Variants in MTA1 observed in about 807,000 individuals in gnomAD.
MTA1 encodes metastasis-associated protein MTA1.
In MTA1, 15 loss-of-function variants were observed where a neutral mutation model predicts 97.0. That is an observed-to-expected ratio of 0.15 (90% confidence interval 0.10 to 0.24). The LOEUF is 0.24. Among genes scored for constraint, MTA1 ranks in the 10% least tolerant of loss-of-function variants. The pLI, the probability that MTA1 is intolerant of heterozygous loss-of-function variation, is 1.00. For missense variants in MTA1, 709 were observed against 1,015.1 expected (o/e 0.70, Z 4.10); for synonymous variants, 435 against 417.5 (o/e 1.04, Z -0.51).
intron 1 of MTA1, among the ~76,000 whole-genome samples, chr14:105,426,570 G>A (rs960693470): frequency 1.3e-5 from 2 of 152,142 alleles, no homozygotes; most frequent in African/African-American, 2.4e-5. Flanking sequence ...AGGGAGGGGC[G>A]TGTTCTGTCC....
intron 3 of MTA1, among the ~76,000 whole-genome samples, chr14:105,448,459 T>C (rs1050962052): frequency 1.3e-5 from 2 of 152,128 alleles, no homozygotes; most frequent in African/African-American, 4.8e-5. Flanking sequence ...GGGCCTGGCA[T>C]AGGGCGGGCG....
At chr14:105,464,653 C>T (rs1555432057) in intron 14 of MTA1, 21 bp from the exon 15 acceptor site, 13 of 1,602,268 alleles carry the variant, frequency 8.1e-6, no homozygotes, top group Admixed American at 1.7e-5. Flanking sequence ...TGTGTTGGGG[C>T]GGTTGCGCCC....
At chr14:105,446,785 G>A (rs587767099) in intron 3 of MTA1, among the ~76,000 whole-genome samples, 12 of 152,362 alleles carry the variant, frequency 7.9e-5, no homozygotes, top group African/African-American at 2.6e-4. Flanking sequence ...GGGCCCCCGA[G>A]CCTGGGTCCA....
intron 7 of MTA1, among the ~76,000 whole-genome samples, chr14:105,454,878 C>A (rs1476633851): frequency 6.6e-6 from 1 of 152,048 alleles, no homozygotes; most frequent in Non-Finnish European, 1.5e-5. Flanking sequence ...GCGTGAGCCA[C>A]CGAGTCTGGC....
At chr14:105,438,493 C>T (rs7153174) in intron 1 of MTA1, among the ~76,000 whole-genome samples, 179 bp from the exon 2 acceptor site, 130,674 of 152,158 alleles carry the variant, frequency 0.86, 59,566 homozygotes, top group Non-Finnish European at 1. Flanking sequence ...ATTTTGGTTG[C>T]AGCCACCCCT....
At chr14:105,456,170 G>A (rs1293831631) in intron 7 of MTA1, among the ~76,000 whole-genome samples, 1 of 152,234 alleles carries the variant, frequency 6.6e-6, no homozygotes, top group Non-Finnish European at 1.5e-5. Flanking sequence ...CTGGCCAAAG[G>A]TGAAGGCCTG....
intron 1 of MTA1, among the ~76,000 whole-genome samples, chr14:105,430,747 T>G (rs985549636): frequency 6.6e-6 from 1 of 152,186 alleles, no homozygotes; most frequent in African/African-American, 2.4e-5. Flanking sequence ...GCTGCCTGTT[T>G]TTGATGACTC....
Position 105,469,856 on chromosome 14 carries a change from C to T in MTA1, c.1861C>T (p.Leu621Phe), listed in dbSNP as rs2083760908. The change falls in exon 20 of 21, where the codon CTC becomes TTC. Residue 621 changes from leucine to phenylalanine, a missense_variant. By Grantham distance (22) the Leu-to-Phe change is conservative (BLOSUM62 0). Coordinates refer to ENST00000331320, the MANE Select transcript of MTA1 (RefSeq NM_004689.4). Reference protein sequence around the residue: ...QARHMGPSRNLLLNGKSYPTK... With the variant: ...QARHMGPSRNFLLNGKSYPTK... ...CCCTCTGCAGGGACCAAGCCGGAAC[C>T]TCCTGCTCAACGGGAAGTCCTACCC... 6 of 1,608,166 alleles carry T rather than the reference C, an allele frequency of 3.7e-6. No individual in the cohort carries two copies. In the East Asian group the frequency reaches 1.3e-4, roughly 36 times the overall value.
intron 8 of MTA1, 82 bp from the exon 9 acceptor site, chr14:105,460,276 G>C (rs2083301355): frequency 7.5e-7 from 1 of 1,336,344 alleles, no homozygotes; most frequent in Non-Finnish European, 1.0e-6. Context: ...GTGGCCGCTG[G>C]TCCCTGGCGC....
rs2082863716 is a variant in MTA1 at position 105,450,051 on chromosome 14, C to CGACA, written c.242-7_242-6insGACA. On this transcript the variant is annotated splice_region_variant and splice_polypyrimidine_tract_variant and intron_variant, in intron 4 of 20. Coordinates refer to ENST00000331320, the MANE Select transcript of MTA1 (RefSeq NM_004689.4). ...CGCGGTGCTGACAGGGGCTCCTTGT[C>CGACA]CTTCAGGGGAAATAGAAGAGGAAAT... 2.5e-6 allele frequency: 4 copies of CGACA among 1,613,342 alleles called. No individual in the cohort carries two copies. The highest frequency in any genetic ancestry group is 3.4e-6 in the Non-Finnish European group (4 of 1,179,876).
chr14:105,469,178 C>T, intron 18 of MTA1: 1 of 624,962 alleles, frequency 1.6e-6, no homozygotes, highest in Admixed American at 2.1e-5. Context: ...GGTGGACAGC[C>T]CCGGCCCCTG....
At position 105,422,279 on chromosome 14, in the gene MTA1, G is replaced by A. The variant is rs1366181762; in HGVS notation, c.28+2216G>A. Among the ~76,000 whole-genome samples, 3 of 152,288 alleles carry A rather than the reference G, an allele frequency of 2.0e-5. No individual in the cohort carries two copies. The highest frequency in any genetic ancestry group is 1.3e-4 in the Admixed American group (2 of 15,294). On this transcript the variant is annotated intron_variant, in intron 1 of 20. Coordinates refer to ENST00000331320, the MANE Select transcript of MTA1 (RefSeq NM_004689.4). The surrounding 1 kb of genome is among the most constrained non-coding windows in gnomAD (Gnocchi z 4.3). ...AGGACCCCGGCAGAGCCCTGTGGTCGCAGTGGGCTGGGCATTGCAGGTTGG... is the reference window on the plus strand; with the variant it reads ...AGGACCCCGGCAGAGCCCTGTGGTCACAGTGGGCTGGGCATTGCAGGTTGG...
Position 105,444,938 on chromosome 14 carries a change from G to A in MTA1, c.97-480G>A, listed in dbSNP as rs73362846. On this transcript the variant is annotated intron_variant, in intron 2 of 20. Transcript: ENST00000331320. Reference sequence around the variant, plus strand: ...GCTTCTCTGGTGGCGTTTTACAGCCGTCTTGACTTGGAGACGTTTGTCAGC... The same window carrying A: ...GCTTCTCTGGTGGCGTTTTACAGCCATCTTGACTTGGAGACGTTTGTCAGC... 3.6e-3 allele frequency among the ~76,000 whole-genome samples: 549 copies of A among 152,304 alleles called. 2 individuals carry two copies. Among genetic ancestry groups the A allele is most frequent in the African/African-American group, 0.013 (522 of 41,562 alleles).
chr14:105,451,360 G>A (rs587760628), intron 6 of MTA1, among the ~76,000 whole-genome samples: 220 of 152,384 alleles, frequency 1.4e-3, no homozygotes, highest in Non-Finnish European at 1.2e-3. Flanking sequence ...TCATGAGCAG[G>A]CAGAGAAGAG....
intron 7 of MTA1, chr14:105,454,556 G>A (rs2083069696): frequency 2.4e-6 from 1 of 423,386 alleles, no homozygotes; most frequent in East Asian, 4.2e-5. Context: ...GCAGGACGTG[G>A]TGATCAGCTG....
intron 6 of MTA1, among the ~76,000 whole-genome samples, chr14:105,451,648 C>T (rs1473084872): frequency 6.6e-6 from 1 of 152,194 alleles, no homozygotes; most frequent in Non-Finnish European, 1.5e-5. Context: ...GGTGCAGTGA[C>T]AAGCCTGTCT....
intron 16 of MTA1, chr14:105,465,539 G>C (rs2083541011): frequency 5.5e-6 from 1 of 182,532 alleles, no homozygotes; most frequent in Admixed American, 6.1e-5. Flanking sequence ...GGGTTTAGGT[G>C]GTGCACACCC....
In MTA1 at chr14:105,470,504, G is replaced by A. The variant is rs1196754484; in HGVS notation, c.*289G>A. The A allele has an allele frequency of 4.2e-5, 16 of 380,342 alleles. No individual in the cohort carries two copies. The South Asian group carries it at 7.3e-4, about 17-fold the overall frequency. The allele number at this position is 380,342 out of a possible 1,614,324, so 23.6% of individuals were successfully genotyped here. ...CTGCGGGGCCTTTTGCCCGGAGGCC[G>A]GGCCCTAAGGTTTTGTTGTGTTCTG... On this transcript the variant is annotated 3_prime_UTR_variant, in exon 21 of 21. Transcript: ENST00000331320.
intron 14 of MTA1, 47 bp downstream of exon 14, chr14:105,464,614 C>T (rs1365380123): frequency 4.3e-6 from 7 of 1,609,832 alleles, no homozygotes; most frequent in Admixed American, 1.7e-5. Context: ...CTGTCGGCCA[C>T]GCGGGTCCTC....
Sources: allele counts gnomAD v4.1 joint callset (sites outside exome capture counted in the v4.1 genomes callset), GRCh38; gene constraint gnomAD v4.1.1; non-coding constraint Gnocchi (gnomAD v3.1); transcripts MANE v1.5; gene names NCBI Gene and HGNC (gene_info 2026-07-23, HGNC 2026-07-21).